DLC1: variants seen among roughly 807,000 people sequenced by gnomAD.
DLC1 encodes the protein DLC1 Rho GTPase activating protein.
A neutral mutation model predicts 140.3 loss-of-function variants in DLC1; 54 were observed. That is an observed-to-expected ratio of 0.38 (90% CI 0.31 to 0.48). The LOEUF (loss-of-function observed/expected upper bound fraction) is 0.48. Among genes scored for constraint, DLC1 ranks in the 20% least tolerant of loss-of-function variants. The pLI, the probability that DLC1 is intolerant of heterozygous loss-of-function variation, is 0.96. For synonymous variants in DLC1, 986 were observed against 728.1 expected, an observed-to-expected ratio of 1.35 and a Z score of -5.70; for missense variants, 2,536 against 1,907.0, an observed-to-expected ratio of 1.33 and a Z score of -6.14.
At chr8:13,392,550 A>G (rs1266332261) in intron 4 of DLC1, among the ~76,000 whole-genome samples, 2 of 152,176 alleles carry the variant, frequency 1.3e-5, no homozygotes, top group African/African-American at 4.8e-5. Flanking sequence ...AAATGCAGTG[A>G]ACAAGCAATC....
chr8:13,306,570 G>A (rs1832439745), intron 4 of DLC1, among the ~76,000 whole-genome samples: 1 of 149,726 alleles, frequency 6.7e-6, no homozygotes, highest in Non-Finnish European at 1.5e-5. Flanking sequence ...GTGTGTGTGT[G>A]TGTGTGTGTG....
intron 5 of DLC1, among the ~76,000 whole-genome samples, chr8:13,303,341 G>A (rs564724069): frequency 1.3e-5 from 2 of 152,066 alleles, no homozygotes; most frequent in South Asian, 2.1e-4. Flanking sequence ...TTAATCTCTC[G>A]ATTCTTTTAT....
intron 4 of DLC1, chr8:13,340,873 G>C (rs751755453): frequency 1.3e-5 from 2 of 152,218 alleles, no homozygotes; most frequent in Non-Finnish European, 2.9e-5. Flanking sequence ...TTCTTGGAAA[G>C]TTCAGCCATC....
At chr8:13,344,418 G>A (rs558038806) in intron 4 of DLC1, among the ~76,000 whole-genome samples, 12 of 152,252 alleles carry the variant, frequency 7.9e-5, no homozygotes, top group East Asian at 1.9e-4. Context: ...GCTTGAACCC[G>A]GGAGGTGGAG....
intron 1 of DLC1, among the ~76,000 whole-genome samples, chr8:13,561,628 A>C (rs573418757): frequency 1.3e-4 from 20 of 152,248 alleles, no homozygotes; most frequent in African/African-American, 4.8e-4. Context: ...TTATTTCTTC[A>C]TCTGTCTATT....
chr8:13,211,102 A>G (rs1240954583), intron 5 of DLC1, among the ~76,000 whole-genome samples: 1 of 152,140 alleles, frequency 6.6e-6, no homozygotes, highest in Non-Finnish European at 1.5e-5. Context: ...ATTATCACGT[A>G]TTTGCTTAAG....
At chr8:13,310,281 T>C (rs1352136392) in intron 4 of DLC1, among the ~76,000 whole-genome samples, 1 of 152,232 alleles carries the variant, frequency 6.6e-6, no homozygotes, top group Non-Finnish European at 1.5e-5. Context: ...TGGAGTACTG[T>C]TTAAGTGTAT....
intron 4 of DLC1, among the ~76,000 whole-genome samples, chr8:13,350,184 T>C (rs1834574991): frequency 6.6e-6 from 1 of 152,198 alleles, no homozygotes; most frequent in Non-Finnish European, 1.5e-5. Context: ...TTCCTTCTTC[T>C]TACAAAATAT....
At chr8:13,276,421 C>T (rs1485844983) in intron 5 of DLC1, 7 of 1,444,826 alleles carry the variant, frequency 4.8e-6, no homozygotes, top group Middle Eastern at 1.8e-4. Flanking sequence ...ACGCCTTCAG[C>T]GCAGCCCGGG....
chr8:13,202,797 C>T (rs1827463994), intron 5 of DLC1, among the ~76,000 whole-genome samples: 1 of 152,068 alleles, frequency 6.6e-6, no homozygotes. Context: ...CCTCTGCCTC[C>T]TGAGTAGCTG....
At chr8:13,442,372 G>A (rs1001088437) in intron 2 of DLC1, among the ~76,000 whole-genome samples, 25 of 152,216 alleles carry the variant, frequency 1.6e-4, no homozygotes, top group African/African-American at 5.8e-4. Context: ...ATTAAGCTAA[G>A]GAGCTTCTGC....
intron 2 of DLC1, among the ~76,000 whole-genome samples, chr8:13,456,790 T>C (rs777761516): frequency 2.6e-4 from 39 of 152,314 alleles, no homozygotes; most frequent in Non-Finnish European, 4.1e-4. Context: ...GGCCTTTGGT[T>C]TGAATGCTGA....
intron 5 of DLC1, among the ~76,000 whole-genome samples, chr8:13,240,922 T>G (rs970569729): frequency 6.6e-6 from 1 of 152,176 alleles, no homozygotes; most frequent in African/African-American, 2.4e-5. Flanking sequence ...GTTTGGACAC[T>G]ATTTGGCTCT....
At chr8:13,509,219 A>G (rs1802246688) in intron 1 of DLC1, among the ~76,000 whole-genome samples, 1 of 152,256 alleles carries the variant, frequency 6.6e-6, no homozygotes, top group African/African-American at 2.4e-5. Context: ...ACACTCCAAC[A>G]GTAGACACAG....
At chr8:13,094,985 G>A in intron 11 of DLC1, 28 bp from the exon 12 acceptor site, 2 of 1,613,994 alleles carry the variant, frequency 1.2e-6, no homozygotes, top group Non-Finnish European at 1.7e-6. Flanking sequence ...CTAAGTGTGG[G>A]GTACATTCAC....
At chr8:13,092,894 G>A (rs1585585760) in intron 12 of DLC1, 69 bp from the exon 13 acceptor site, 3 of 1,520,126 alleles carry the variant, frequency 2.0e-6, no homozygotes, top group East Asian at 2.4e-5. Flanking sequence ...AAATGTCCCA[G>A]AGCAAATATC....
chr8:13,243,458 C>T (rs1448757947), intron 5 of DLC1, among the ~76,000 whole-genome samples: 1 of 152,076 alleles, frequency 6.6e-6, no homozygotes, highest in Non-Finnish European at 1.5e-5. Flanking sequence ...GTCAATTAAA[C>T]CTCTTTTCTG....
At chr8:13,358,157 G>GA (rs1835036409) in intron 4 of DLC1, among the ~76,000 whole-genome samples, 3 of 151,862 alleles carry the variant, frequency 2.0e-5, no homozygotes, top group Admixed American at 1.3e-4. Context: ...AGTTTTTCTG[G>GA]AAAAAAAATA....
intron 2 of DLC1, among the ~76,000 whole-genome samples, chr8:13,435,026 C>T (rs978673793): frequency 6.6e-6 from 1 of 152,052 alleles, no homozygotes; most frequent in African/African-American, 2.4e-5. Context: ...GCTATAGCTG[C>T]CATGGATAGA....
Sources: allele counts gnomAD v4.1 joint callset (sites outside exome capture counted in the v4.1 genomes callset), GRCh38; gene constraint gnomAD v4.1.1; transcripts MANE v1.5; gene names NCBI Gene and HGNC (gene_info 2026-07-23, HGNC 2026-07-21).